PATJ: variants seen among roughly 807,000 people sequenced by gnomAD.
PATJ encodes PATJ crumbs cell polarity complex component, also known as inaD-like protein.
Under a neutral mutation model 224.9 loss-of-function variants are expected in PATJ, and 190 were observed. The ratio of observed to expected loss-of-function variants is 0.84; its 90% CI spans 0.75 to 0.95. The LOEUF is 0.95. PATJ is among the 40% of genes least tolerant of loss of function. PATJ has a pLI of 0.00. For synonymous variants in PATJ, 769 were observed against 820.3 expected (o/e 0.94, Z 1.07); for missense variants, 2,121 against 2,270.3 (o/e 0.93, Z 1.34).
At chr1:62,089,656 A>G (rs1213820435) in intron 33 of PATJ, among the ~76,000 whole-genome samples, 1 of 152,126 alleles carries the variant, frequency 6.6e-6, no homozygotes, top group East Asian at 1.9e-4. Flanking sequence ...ACCACAATGC[A>G]AATCTTTCAT....
At chr1:61,886,038 G>T (rs186740603) in intron 22 of PATJ, among the ~76,000 whole-genome samples, 2,213 of 150,750 alleles carry the variant, frequency 0.015, 62 homozygotes, top group African/African-American at 0.052. Context: ...GGGGTGGGGG[G>T]ATGGGGGAGT....
intron 27 of PATJ, among the ~76,000 whole-genome samples, chr1:61,957,406 T>C (rs996112649): frequency 6.6e-6 from 1 of 152,240 alleles, no homozygotes; most frequent in African/African-American, 2.4e-5. Flanking sequence ...AAAGGAATTA[T>C]ATATTTGGGA....
At chr1:62,027,050 C>T (rs995390201) in intron 29 of PATJ, among the ~76,000 whole-genome samples, 2 of 152,162 alleles carry the variant, frequency 1.3e-5, no homozygotes, top group African/African-American at 2.4e-5. Context: ...GTTGGGCAAC[C>T]ATCATCACCA....
chr1:62,092,825 T>G (rs1281192982), intron 33 of PATJ, among the ~76,000 whole-genome samples: 3 of 151,674 alleles, frequency 2.0e-5, no homozygotes, highest in Non-Finnish European at 4.4e-5. Context: ...CACTACGGCC[T>G]CCGCCTCCCA....
chr1:61,891,171 AGG>A (rs1206713802), intron 22 of PATJ, among the ~76,000 whole-genome samples: 3 of 152,216 alleles, frequency 2.0e-5, no homozygotes, highest in African/African-American at 7.2e-5. Flanking sequence ...TAGGTGTAAT[AGG>A]ATGCAAATGA....
At chr1:61,904,006 T>G (rs1671548794) in intron 24 of PATJ, among the ~76,000 whole-genome samples, 1 of 152,094 alleles carries the variant, frequency 6.6e-6, no homozygotes, top group African/African-American at 2.4e-5. Context: ...ACTCCTAACC[T>G]CAGGTGATCC....
At chr1:62,114,420 T>C in intron 35 of PATJ, 174 bp downstream of exon 35, 1 of 617,070 alleles carries the variant, frequency 1.6e-6, no homozygotes, top group Non-Finnish European at 2.8e-6. Flanking sequence ...ACCAGAAAAA[T>C]TGTCATATCA....
intron 30 of PATJ, 46 bp downstream of exon 30, chr1:62,038,095 C>A: frequency 8.5e-7 from 1 of 1,179,250 alleles, no homozygotes; most frequent in Non-Finnish European, 1.2e-6. Context: ...ATGGATTTGT[C>A]ATGAGCATTT....
intron 1 of PATJ, among the ~76,000 whole-genome samples, chr1:61,760,390 T>C (rs1442856364): frequency 6.6e-6 from 1 of 152,192 alleles, no homozygotes; most frequent in African/African-American, 2.4e-5. Flanking sequence ...AAAATTTTGA[T>C]TGTATAATAC....
At chr1:61,990,474 T>TCAA in intron 28 of PATJ, 110 bp downstream of exon 28, 2 of 660,004 alleles carry the variant, frequency 3.0e-6, no homozygotes, top group Admixed American at 7.8e-5. Flanking sequence ...TATATTTCCT[T>TCAA]CAACTACTTA....
chr1:61,948,918 C>T (rs1213049035), intron 27 of PATJ, among the ~76,000 whole-genome samples: 2 of 152,042 alleles, frequency 1.3e-5, no homozygotes, highest in African/African-American at 2.4e-5. Context: ...TTTGTAGGGA[C>T]ATGGATGAAG....
At chr1:61,894,475 C>G (rs567616789) in intron 22 of PATJ, among the ~76,000 whole-genome samples, 3 of 152,192 alleles carry the variant, frequency 2.0e-5, no homozygotes, top group African/African-American at 7.2e-5. Context: ...TTTCCCCATG[C>G]TGTTCTCATG....
chr1:61,992,571 A>G (rs984253154), intron 28 of PATJ, among the ~76,000 whole-genome samples: 6 of 152,146 alleles, frequency 3.9e-5, no homozygotes, highest in African/African-American at 1.4e-4. Flanking sequence ...GTACATGGAA[A>G]TACTCCAAAG....
intron 27 of PATJ, among the ~76,000 whole-genome samples, chr1:61,968,163 T>A (rs1276778871): frequency 6.6e-6 from 1 of 152,232 alleles, no homozygotes; most frequent in Non-Finnish European, 1.5e-5. Context: ...TTGACAGCCT[T>A]TGGTAGCTTT....
At chr1:61,977,835 G>A (rs1318697025) in intron 27 of PATJ, among the ~76,000 whole-genome samples, 1 of 150,398 alleles carries the variant, frequency 6.6e-6, no homozygotes, top group Non-Finnish European at 1.5e-5. Flanking sequence ...CTATGATGGG[G>A]CCTCTGTGAA....
Position 61,875,202 on chromosome 1 carries a change from TCATAAAG to T in PATJ, c.2836-40_2836-34del. ...TCAACTGTACAGTAATACATTTTTT[TCATAAAG>T]TACTAATGCATTTCTATTTTTCTTC... On this transcript the variant is annotated intron_variant, in intron 20 of 43. Coordinates refer to ENST00000642238, the MANE Select transcript of PATJ (RefSeq NM_001350145.3). The T allele has an allele frequency of 2.2e-6, 3 of 1,381,472 alleles. No individual in the cohort carries two copies. In the South Asian group the frequency reaches 3.7e-5, roughly 17 times the overall value. 85.6% of individuals were successfully genotyped at this position (1,381,472 alleles called of 1,614,324 possible).
Position 61,867,671 on chromosome 1 carries a change from A to G in PATJ, c.2835+3038A>G, listed in dbSNP as rs914644230. On this transcript the variant is annotated intron_variant, in intron 20 of 43. Transcript: ENST00000642238. ...ATTGAGTAAGACTATTTCAGCCCGA[A>G]TGTTTCTTGCCTAAACAGTATTTTA... Among the ~76,000 whole-genome samples, 4 of 151,888 alleles carry G rather than the reference A, an allele frequency of 2.6e-5. No homozygotes were observed. The South Asian group carries it at 8.3e-4, about 32-fold the overall frequency.
At chr1:62,059,840 G>A (rs570218263) in intron 31 of PATJ, among the ~76,000 whole-genome samples, 41 of 152,096 alleles carry the variant, frequency 2.7e-4, no homozygotes, top group Non-Finnish European at 5.4e-4. Context: ...ATATACAGGA[G>A]TCAGAATGGA....
intron 41 of PATJ, among the ~76,000 whole-genome samples, chr1:62,139,895 G>A (rs528198638): frequency 1.4e-4 from 22 of 151,830 alleles, no homozygotes; most frequent in Admixed American, 4.6e-4. Context: ...AAATAGCTGG[G>A]GCTACAGTCA....
Sources: gnomAD v4.1 joint callset for allele counts (sites outside exome capture counted in the v4.1 genomes callset) on GRCh38, gnomAD v4.1.1 for gene constraint, MANE v1.5 for transcripts, NCBI Gene and HGNC (gene_info 2026-07-23, HGNC 2026-07-21) for gene names.